The following SLIT3 variants were observed in gnomAD, a reference collection of about 807,000 sequenced individuals.
SLIT3 encodes the protein slit guidance ligand 3, also known as slit homolog 3 protein.
SLIT3 carries 68 observed loss-of-function variants against 184.0 expected under a neutral mutation model. That is an observed-to-expected ratio of 0.37 (90% CI 0.30 to 0.45). The LOEUF is 0.45. SLIT3 is among the 20% of genes least tolerant of loss of function. The probability of loss-of-function intolerance (pLI) is 1.00; values close to 1 mark genes in which losing one functional copy is unlikely to be tolerated. For synonymous variants in SLIT3, 831 were observed against 828.6 expected (o/e 1.00, Z -0.05); for missense variants, 1,707 against 2,026.0 (o/e 0.84, Z 3.02).
intron 4 of SLIT3, among the ~76,000 whole-genome samples, chr5:169,125,734 G>T (rs769643249): frequency 1.3e-5 from 2 of 152,192 alleles, no homozygotes; most frequent in African/African-American, 4.8e-5. Context: ...CAGAGAGAGG[G>T]AGGAAAAGAA....
intron 4 of SLIT3, among the ~76,000 whole-genome samples, chr5:169,117,995 C>T (rs1222744198): frequency 6.6e-6 from 1 of 152,120 alleles, no homozygotes; most frequent in East Asian, 1.9e-4. Context: ...ATGATGTGTG[C>T]CTTTTGCCTT....
rs1408113232 is a variant in SLIT3, at chr5:169,290,090, G to A, written c.197+10423C>T. Among the ~76,000 whole-genome samples, 4 of 151,776 alleles carry A rather than the reference G, an allele frequency of 2.6e-5. No individual in the cohort carries two copies. The South Asian group carries it at 8.3e-4, about 32-fold the overall frequency. On this transcript the variant is annotated intron_variant, in intron 1 of 35. Coordinates refer to ENST00000519560, the MANE Select transcript of SLIT3 (RefSeq NM_003062.4). ...GGACATATGCTAGAACGTACACTAGGGCATACGCCAGGGCACACACTCGGG... is the reference window on the plus strand; with the variant it reads ...GGACATATGCTAGAACGTACACTAGAGCATACGCCAGGGCACACACTCGGG...
chr5:168,773,095 A>G (rs917457184), intron 13 of SLIT3, 151 bp from the exon 14 acceptor site: 12 of 739,564 alleles, frequency 1.6e-5, no homozygotes, highest in Non-Finnish European at 2.4e-5. Flanking sequence ...TGCTACTTTC[A>G]GACAGGGCTC....
intron 4 of SLIT3, among the ~76,000 whole-genome samples, chr5:168,892,477 G>C (rs1291949012): frequency 2.0e-5 from 3 of 152,210 alleles, no homozygotes; most frequent in African/African-American, 7.2e-5. Flanking sequence ...CCAATCTAAG[G>C]AGCCCGATAC....
chr5:168,756,440 G>T (rs1044610248), intron 16 of SLIT3, among the ~76,000 whole-genome samples: 2 of 152,194 alleles, frequency 1.3e-5, no homozygotes, highest in African/African-American at 4.8e-5. Flanking sequence ...CGGTGCCTTG[G>T]TTCCCTCCTT....
At chr5:168,843,399 G>C (rs1758338459) in intron 6 of SLIT3, among the ~76,000 whole-genome samples, 1 of 152,190 alleles carries the variant, frequency 6.6e-6, no homozygotes. Context: ...TGGAATCAGA[G>C]ATAGGTAACC....
intron 32 of SLIT3, among the ~76,000 whole-genome samples, chr5:168,680,341 G>A (rs1215612326): frequency 6.6e-6 from 1 of 152,248 alleles, no homozygotes; most frequent in Non-Finnish European, 1.5e-5. Context: ...CTGGGGCCTG[G>A]AATAGAATCT....
intron 3 of SLIT3, among the ~76,000 whole-genome samples, chr5:169,214,008 TTGG>T (rs1764354871): frequency 6.6e-6 from 1 of 152,156 alleles, no homozygotes; most frequent in Non-Finnish European, 1.5e-5. Context: ...CATCATCCAC[TTGG>T]TGGTGAGAGC....
chr5:168,959,946 GA>G (rs922612562), intron 4 of SLIT3, among the ~76,000 whole-genome samples: 1 of 152,174 alleles, frequency 6.6e-6, no homozygotes. Flanking sequence ...AGCGCTAAGG[GA>G]ACGAAGGCTC....
chr5:168,683,115 C>T (rs375745768), intron 32 of SLIT3, among the ~76,000 whole-genome samples: 2 of 152,158 alleles, frequency 1.3e-5, no homozygotes, highest in East Asian at 1.9e-4. Flanking sequence ...CCTGTAATCC[C>T]AGCACTTTGG....
chr5:168,751,831 G>A (rs577780213), intron 18 of SLIT3, among the ~76,000 whole-genome samples: 4 of 151,736 alleles, frequency 2.6e-5, no homozygotes, highest in South Asian at 4.2e-4. Context: ...TCCACCTCCC[G>A]GGTTCAAGCG....
intron 4 of SLIT3, among the ~76,000 whole-genome samples, chr5:168,927,938 AG>A (rs1347856015): frequency 6.6e-6 from 1 of 152,256 alleles, no homozygotes; most frequent in Non-Finnish European, 1.5e-5. Flanking sequence ...CTGCCCTAGC[AG>A]GATGGATCTC....
At chr5:168,690,565 C>T (rs1370950027) in intron 29 of SLIT3, among the ~76,000 whole-genome samples, 2 of 152,198 alleles carry the variant, frequency 1.3e-5, no homozygotes, top group African/African-American at 4.8e-5. Flanking sequence ...CCCCTTCATT[C>T]TTCCCTGTCC....
At position 168,666,147 on chromosome 5, in the gene SLIT3, T is replaced by G. The variant is rs1277913289; in HGVS notation, c.*307A>C. ...TTATTAGTCTATTTTTTTCTTAAATTTTTAAACAGCTATTTTTAAAAACAC... is the reference window on the plus strand; with the variant it reads ...TTATTAGTCTATTTTTTTCTTAAATGTTTAAACAGCTATTTTTAAAAACAC... On this transcript the variant is annotated 3_prime_UTR_variant, in exon 36 of 36. Coordinates refer to ENST00000519560, the MANE Select transcript of SLIT3 (RefSeq NM_003062.4). 4.6e-6 allele frequency: 1 copy of G among 218,036 alleles called. No homozygotes were observed. The highest frequency in any genetic ancestry group is 8.8e-6 in the Non-Finnish European group (1 of 113,096). The allele number at this position is 218,036 out of a possible 1,614,324, so 13.5% of individuals were successfully genotyped here. A position where few individuals can be genotyped will look rare whatever the true frequency, so the allele number is the denominator to read the frequency against.
chr5:168,970,168 G>C (rs1754519210), intron 4 of SLIT3, among the ~76,000 whole-genome samples: 1 of 141,394 alleles, frequency 7.1e-6, no homozygotes. Context: ...GCAACAGAGA[G>C]AGACTCTGTC....
chr5:169,187,376 G>A (rs929822006), intron 4 of SLIT3, among the ~76,000 whole-genome samples: 2 of 151,974 alleles, frequency 1.3e-5, no homozygotes, highest in African/African-American at 4.8e-5. Flanking sequence ...CTTCCAAAGT[G>A]CTGGGATTAC....
chr5:169,256,366 T>C (rs1367623577), intron 1 of SLIT3, among the ~76,000 whole-genome samples: 1 of 152,222 alleles, frequency 6.6e-6, no homozygotes, highest in South Asian at 2.1e-4. Context: ...CAACTGCCTA[T>C]AGTATTCAGT....
intron 8 of SLIT3, among the ~76,000 whole-genome samples, chr5:168,814,207 C>T (rs914150771): frequency 5.3e-5 from 8 of 151,946 alleles, no homozygotes; most frequent in African/African-American, 1.7e-4. Context: ...ACCAGCCTGG[C>T]CAACATGGTG....
At chr5:168,970,503 A>T (rs1471587714) in intron 4 of SLIT3, among the ~76,000 whole-genome samples, 1 of 151,412 alleles carries the variant, frequency 6.6e-6, no homozygotes, top group South Asian at 2.1e-4. Flanking sequence ...CTCAAATAAA[A>T]AAAAAAAAAA....
Sources: allele counts gnomAD v4.1 joint callset (sites outside exome capture counted in the v4.1 genomes callset), GRCh38; gene constraint gnomAD v4.1.1; transcripts MANE v1.5; gene names NCBI Gene and HGNC (gene_info 2026-07-23, HGNC 2026-07-21).